Variants in STXBP5L observed in about 807,000 individuals in gnomAD.
STXBP5L encodes syntaxin binding protein 5L.
A neutral mutation model predicts 144.5 loss-of-function variants in STXBP5L; 65 were observed. The observed-to-expected ratio is 0.45, with a 90% confidence interval of 0.37 to 0.55. STXBP5L has a LOEUF of 0.55. Ranked by LOEUF, STXBP5L falls within the 20% of genes least tolerant of loss-of-function variation. The pLI, the probability that STXBP5L is intolerant of heterozygous loss-of-function variation, is 0.00. For missense variants in STXBP5L, 1,298 were observed against 1,405.5 expected (o/e 0.92, Z 1.22); for synonymous variants, 505 against 469.6 (o/e 1.08, Z -0.97).
chr3:120,922,279 C>A (rs1709395591), intron 2 of STXBP5L, among the ~76,000 whole-genome samples: 1 of 151,880 alleles, frequency 6.6e-6, no homozygotes, highest in Non-Finnish European at 1.5e-5. Context: ...ACTGTTGGCG[C>A]ATGTAAATGC....
chr3:121,004,517 C>G (rs1016108689), intron 3 of STXBP5L, among the ~76,000 whole-genome samples: 2 of 151,724 alleles, frequency 1.3e-5, no homozygotes, highest in African/African-American at 2.4e-5. Context: ...TTGACTTCCT[C>G]TTTTCCTAAT....
At chr3:121,318,565 A>T (rs751590286) in intron 20 of STXBP5L, 25 bp downstream of exon 20, 1 of 1,479,924 alleles carries the variant, frequency 6.8e-7, no homozygotes, top group Admixed American at 2.1e-5. Context: ...TATTTTGCAG[A>T]CTTCTGGTAA....
In STXBP5L at chr3:121,052,448, A is replaced by T. The variant is rs1165978118; in HGVS notation, c.470+6913A>T. ...ATGGAAGGCTGGTTCAATATACGCA[A>T]ATCAATAAATGTAATCCAGCATATA... On this transcript the variant is annotated intron_variant, in intron 5 of 26. Transcript: ENST00000471454. Among the ~76,000 whole-genome samples the T allele has an allele frequency of 1.9e-4, 29 of 152,342 alleles. No individual in the cohort carries two copies. The East Asian group carries it at 5.0e-3, about 26-fold the overall frequency.
At chr3:121,092,585 T>A (rs1473364062) in intron 5 of STXBP5L, among the ~76,000 whole-genome samples, 3 of 152,222 alleles carry the variant, frequency 2.0e-5, no homozygotes, top group Non-Finnish European at 4.4e-5. Flanking sequence ...CTGTTATTGG[T>A]GTATAAGAAT....
At chr3:121,117,991 A>C (rs936686870) in intron 6 of STXBP5L, among the ~76,000 whole-genome samples, 2 of 151,734 alleles carry the variant, frequency 1.3e-5, no homozygotes, top group African/African-American at 4.8e-5. Context: ...CTAACATTTT[A>C]AAAAAATGTA....
intron 5 of STXBP5L, among the ~76,000 whole-genome samples, chr3:121,105,428 G>T (rs1329627716): frequency 7.5e-6 from 1 of 134,202 alleles, no homozygotes; most frequent in Non-Finnish European, 1.5e-5. Context: ...ATAAAAAGAT[G>T]TACAAGTGGC....
chr3:121,289,666 C>T (rs551896827), intron 19 of STXBP5L, among the ~76,000 whole-genome samples: 1 of 152,220 alleles, frequency 6.6e-6, no homozygotes, highest in Non-Finnish European at 1.5e-5. Context: ...AAACAAGTCT[C>T]AATAAATTTT....
intron 5 of STXBP5L, among the ~76,000 whole-genome samples, chr3:121,061,265 C>T (rs948467344): frequency 6.6e-6 from 1 of 152,156 alleles, no homozygotes; most frequent in Non-Finnish European, 1.5e-5. Flanking sequence ...GTTCAGTTTC[C>T]ATGCAGTTGT....
intron 6 of STXBP5L, among the ~76,000 whole-genome samples, chr3:121,116,384 C>T (rs935966317): frequency 1.3e-5 from 2 of 152,030 alleles, no homozygotes; most frequent in African/African-American, 4.8e-5. Flanking sequence ...ACTAGTTATA[C>T]TCTTGTCATG....
At chr3:120,992,871 C>T (rs571909746) in intron 3 of STXBP5L, among the ~76,000 whole-genome samples, 7 of 151,986 alleles carry the variant, frequency 4.6e-5, no homozygotes, top group African/African-American at 9.6e-5. Flanking sequence ...TTTTGAGGAA[C>T]CTTAATATTG....
At chr3:121,154,547 T>C (rs1337663443) in intron 8 of STXBP5L, among the ~76,000 whole-genome samples, 1 of 151,768 alleles carries the variant, frequency 6.6e-6, no homozygotes, top group African/African-American at 2.4e-5. Flanking sequence ...TTCCCTTAGC[T>C]CTCCTTTACG....
chr3:121,339,104 C>A (rs1445850288), intron 20 of STXBP5L, among the ~76,000 whole-genome samples: 3 of 151,698 alleles, frequency 2.0e-5, no homozygotes, highest in South Asian at 2.1e-4. Context: ...ACAAAACAAA[C>A]AAAAAACAAA....
At chr3:121,301,004 G>A (rs1028036736) in intron 19 of STXBP5L, among the ~76,000 whole-genome samples, 2 of 152,110 alleles carry the variant, frequency 1.3e-5, no homozygotes, top group African/African-American at 4.8e-5. Context: ...TTGTTCTTTC[G>A]GCTTAGGATT....
intron 9 of STXBP5L, among the ~76,000 whole-genome samples, chr3:121,197,382 CTG>C (rs1214540614): frequency 6.6e-6 from 1 of 152,066 alleles, no homozygotes; most frequent in Non-Finnish European, 1.5e-5. Flanking sequence ...AGATTGATGT[CTG>C]TAAATTTAGT....
At chr3:121,364,734 T>C (rs536750285) in intron 20 of STXBP5L, among the ~76,000 whole-genome samples, 2 of 152,166 alleles carry the variant, frequency 1.3e-5, no homozygotes, top group East Asian at 3.9e-4. Context: ...TTTTTTATAA[T>C]TTCCTTTGCC....
intron 3 of STXBP5L, among the ~76,000 whole-genome samples, chr3:121,035,079 TTG>T (rs752857847): frequency 8.1e-4 from 123 of 152,244 alleles, no homozygotes; most frequent in Non-Finnish European, 9.3e-4. Flanking sequence ...TGTTTTACTG[TTG>T]TTGAGTTGTT....
intron 5 of STXBP5L, among the ~76,000 whole-genome samples, chr3:121,047,603 G>A (rs561588196): frequency 4.6e-5 from 7 of 152,252 alleles, no homozygotes; most frequent in East Asian, 1.9e-4. Flanking sequence ...TTACCATTAC[G>A]TAATGTCCTT....
chr3:120,913,479 G>A (rs764531651), intron 2 of STXBP5L, among the ~76,000 whole-genome samples: 33 of 151,900 alleles, frequency 2.2e-4, no homozygotes, highest in Non-Finnish European at 4.4e-4. Context: ...ATGATTGGTC[G>A]ATTAATTGAA....
chr3:120,937,067 C>T (rs1354258029), intron 2 of STXBP5L, among the ~76,000 whole-genome samples: 1 of 152,012 alleles, frequency 6.6e-6, no homozygotes, highest in African/African-American at 2.4e-5. Flanking sequence ...TTCTCTCTTC[C>T]CCTACCTGGA....
Sources: gnomAD v4.1 joint callset for allele counts (sites outside exome capture counted in the v4.1 genomes callset) on GRCh38, gnomAD v4.1.1 for gene constraint, MANE v1.5 for transcripts, NCBI Gene and HGNC (gene_info 2026-07-23, HGNC 2026-07-21) for gene names.